The following KIF17 variants were observed in gnomAD, a reference collection of about 807,000 sequenced individuals.
KIF17 encodes the protein kinesin-like protein KIF17.
Under a neutral mutation model 96.8 loss-of-function variants are expected in KIF17, and 80 were observed. The observed-to-expected ratio is 0.83, with a 90% CI of 0.69 to 1.00. The LOEUF (loss-of-function observed/expected upper bound fraction) is 1.00. Among genes scored for constraint, KIF17 ranks in the 50% least tolerant of loss-of-function variants. KIF17 has a pLI of 0.00. For missense variants in KIF17, 1,280 were observed against 1,372.9 expected (o/e 0.93, Z 1.07); for synonymous variants, 567 against 587.5 (o/e 0.97, Z 0.51).
In KIF17 at chr1:20,672,750, A is replaced by T; in HGVS notation, c.2464-554T>A. 1 of 194,858 alleles carries T rather than the reference A, an allele frequency of 5.1e-6. No homozygotes were observed. Among genetic ancestry groups the T allele is most frequent in the East Asian group, 1.1e-4 (1 of 8,740 alleles). The allele number at this position is 194,858 out of a possible 1,614,324, so 12.1% of individuals were successfully genotyped here. On this transcript the variant is annotated intron_variant, in intron 11 of 14. Transcript: ENST00000400463. This position sits in a 1 kb window ranked among gnomAD's most constrained non-coding sequence, Gnocchi z 4.3. The stretch of plus-strand genomic sequence containing the variant: ...GGACCTAAGAGTAAGACCCACCTTG[A>T]TCTGATCAAGGGTTCCAGATTCTTT...
intron 6 of KIF17, among the ~76,000 whole-genome samples, chr1:20,690,923 G>A (rs1455228570): frequency 1.3e-5 from 2 of 152,010 alleles, no homozygotes; most frequent in Admixed American, 6.5e-5. Context: ...TCCTGACCTC[G>A]TGATCCACCC....
intron 11 of KIF17, among the ~76,000 whole-genome samples, 186 bp downstream of exon 11, chr1:20,682,467 A>T (rs529365057): frequency 6.6e-6 from 1 of 152,316 alleles, no homozygotes; most frequent in African/African-American, 2.4e-5. Context: ...AGCTGATTGT[A>T]CCACTGCACT....
Position 20,685,794 on chromosome 1 carries a change from G to A in KIF17, c.2019+252C>T, listed in dbSNP as rs777173028. Reference sequence around the variant, plus strand: ...GCCTCAATTCCTTTACACAAAGGGCGACAAGGCTAAGGAAGGTTTGAAAGC... The same window carrying A: ...GCCTCAATTCCTTTACACAAAGGGCAACAAGGCTAAGGAAGGTTTGAAAGC... On this transcript the variant is annotated intron_variant, in intron 9 of 14. Transcript: ENST00000400463. The surrounding 1 kb of genome is among the most constrained non-coding windows in gnomAD (Gnocchi z 4.1). Among the ~76,000 whole-genome samples the A allele has an allele frequency of 2.6e-5, 4 of 152,290 alleles. No homozygotes were observed. The highest frequency in any genetic ancestry group is 1.9e-4 in the East Asian group (1 of 5,180).
At position 20,709,352 on chromosome 1, in the gene KIF17, C is replaced by CT. The variant is rs1188837286; in HGVS notation, c.670+286dup. On this transcript the variant is annotated intron_variant, in intron 4 of 14. Transcript: ENST00000400463. This position sits in a 1 kb window ranked among gnomAD's most constrained non-coding sequence, Gnocchi z 4.7. The stretch of plus-strand genomic sequence containing the variant: ...GCCGAGATCACCACTGCACTCCAGC[C>CT]TGGGTGACAGGGTGACACTTTGTCT... 2.0e-5 allele frequency among the ~76,000 whole-genome samples: 3 copies of CT among 152,174 alleles called. No individual in the cohort carries two copies. Among genetic ancestry groups the CT allele is most frequent in the African/African-American group, 7.2e-5 (3 of 41,428 alleles).
chr1:20,687,647 G>A lies in KIF17; in HGVS notation c.1679C>T (p.Ser560Phe), dbSNP rs2154536102. Reference protein sequence around the residue: ...SEAFPGPEEPSNVEVSMPTEE... With the variant: ...SEAFPGPEEPFNVEVSMPTEE... Reference sequence around the variant, plus strand: ...AGTGGGCATGGAGACCTCCACGTTGGAGGGCTCCTCAGGCCCAGGGAAAGC... The same window carrying A: ...AGTGGGCATGGAGACCTCCACGTTGAAGGGCTCCTCAGGCCCAGGGAAAGC... Residue 560 changes from serine to phenylalanine, a missense_variant, in exon 8 of 15, where the codon TCC becomes TTC. Ser to Phe is a radical substitution (Grantham distance 155). Transcript: ENST00000400463. The surrounding 1 kb of genome is among the most constrained non-coding windows in gnomAD (Gnocchi z 4.4). The A allele has an allele frequency of 6.2e-7, 1 of 1,614,210 alleles. No individual in the cohort carries two copies. The highest frequency in any genetic ancestry group is 2.2e-5 in the East Asian group (1 of 44,886).
intron 11 of KIF17, among the ~76,000 whole-genome samples, chr1:20,677,589 C>T (rs2053759528): frequency 6.6e-6 from 1 of 152,194 alleles, no homozygotes. Context: ...CGTAGTGGCT[C>T]ACGTCTGTAA....
chr1:20,705,065 G>C (rs999956618), intron 4 of KIF17, among the ~76,000 whole-genome samples, 166 bp from the exon 5 acceptor site: 1 of 152,204 alleles, frequency 6.6e-6, no homozygotes, highest in Non-Finnish European at 1.5e-5. Flanking sequence ...CTTACAGATG[G>C]GTAGACTGAG....
Position 20,683,866 on chromosome 1 carries a change from A to G in KIF17, c.2231+943T>C, listed in dbSNP as rs1310832165. Among the ~76,000 whole-genome samples the G allele has an allele frequency of 1.2e-4, 18 of 151,410 alleles. 1 individual carries two copies. The highest frequency in any genetic ancestry group is 1.1e-3 in the Admixed American group (17 of 15,232). ...GCAGGTGCTGTGCCCTTTCTCTAGG[A>G]TGCCACCCCTGCAGCAAACCTTTTT... On this transcript the variant is annotated intron_variant, in intron 10 of 14. Transcript: ENST00000400463.
chr1:20,695,115 C>T (rs996716544), intron 6 of KIF17, among the ~76,000 whole-genome samples: 5 of 145,782 alleles, frequency 3.4e-5, no homozygotes, highest in South Asian at 2.2e-4. Context: ...TGCACGCACA[C>T]GCATACACAC....
chr1:20,712,319 G>C (rs561172166), intron 3 of KIF17, among the ~76,000 whole-genome samples: 1 of 151,646 alleles, frequency 6.6e-6, no homozygotes, highest in South Asian at 2.1e-4. Context: ...CCCTGTCTGG[G>C]GGCTGAGCTA....
chr1:20,714,406 C>T (rs911695872), intron 2 of KIF17, among the ~76,000 whole-genome samples: 1 of 152,162 alleles, frequency 6.6e-6, no homozygotes, highest in South Asian at 2.1e-4. Context: ...ATGAGAATTG[C>T]TCGAACCCGG....
At chr1:20,667,511 G>A (rs532027925) in intron 13 of KIF17, among the ~76,000 whole-genome samples, 3 of 152,250 alleles carry the variant, frequency 2.0e-5, no homozygotes, top group Non-Finnish European at 2.9e-5. Flanking sequence ...GAATCATCCC[G>A]AAACTATCAG....
At chr1:20,675,407 C>T (rs1363817619) in intron 11 of KIF17, among the ~76,000 whole-genome samples, 2 of 148,762 alleles carry the variant, frequency 1.3e-5, no homozygotes, top group Admixed American at 6.7e-5. Context: ...GAGATCACGC[C>T]ATTGCACTCC....
In KIF17 at chr1:20,687,613, G is replaced by A. The variant is rs777211794; in HGVS notation, c.1713C>T (p.Ser571=). Residue 571 remains serine, a synonymous_variant, in exon 8 of 15, where the codon TCC becomes TCT. Coordinates refer to ENST00000400463, the MANE Select transcript of KIF17 (RefSeq NM_001122819.3). This position sits in a 1 kb window ranked among gnomAD's most constrained non-coding sequence, Gnocchi z 4.4. ...NVEVSMPTEE[S]RSRYFLDECL... is the part of the protein sequence containing the mutation. Reference sequence around the variant, plus strand: ...ACTCATCCAGGAAGTATCTGCTCCTGGACTCCTCAGTGGGCATGGAGACCT... The same window carrying A: ...ACTCATCCAGGAAGTATCTGCTCCTAGACTCCTCAGTGGGCATGGAGACCT... The A allele has an allele frequency of 9.9e-6, 16 of 1,614,006 alleles. No individual in the cohort carries two copies. The African/African-American group carries it at 1.9e-4, about 19-fold the overall frequency.
At position 20,704,871 on chromosome 1, in the gene KIF17, C is replaced by T. The variant is rs755362475; in HGVS notation, c.699G>A (p.Ala233=). ...VDERGKDHLR[A]GKLNLVDLAG... ...CCAGGTCCACCAGGTTCAGCTTGCC[C>T]GCCCGGAGGTGGTCCTTGCCCCGCT... Residue 233 remains alanine, a synonymous_variant, in exon 5 of 15, where the codon GCG becomes GCA. Transcript: ENST00000400463. This position sits in a 1 kb window ranked among gnomAD's most constrained non-coding sequence, Gnocchi z 6.8. 2.4e-5 allele frequency: 39 copies of T among 1,601,650 alleles called. No individual in the cohort carries two copies. Among genetic ancestry groups the T allele is most frequent in the African/African-American group, 4.0e-5 (3 of 74,936 alleles).
chr1:20,692,654 T>A (rs1178752271), intron 6 of KIF17: 1 of 152,202 alleles, frequency 6.6e-6, no homozygotes, highest in South Asian at 2.1e-4. Context: ...TTATTTTCTG[T>A]GTGTGTGCTC....
intron 14 of KIF17, 81 bp downstream of exon 14, chr1:20,666,133 G>C: frequency 2.8e-6 from 3 of 1,084,982 alleles, no homozygotes; most frequent in African/African-American, 1.5e-5. Context: ...TTTGAACCCA[G>C]GCCTGTCTGA....
intron 6 of KIF17, among the ~76,000 whole-genome samples, chr1:20,691,331 G>C (rs1167037060): frequency 6.6e-6 from 1 of 152,000 alleles, no homozygotes; most frequent in East Asian, 1.9e-4. Context: ...AAAATTTATA[G>C]AGTAGGGGTC....
In KIF17 at chr1:20,664,670, G is replaced by A; in HGVS notation, c.3001C>T (p.Pro1001Ser). ...TQAPEMPQPR[P>S]FRLESLDIPF... ...ATGTCGAGGGACTCGAGGCGGAAGG[G>A]CCGGGGCTGGGGCATTTCAGGGGCC... Residue 1001 changes from proline (P) to serine (S), a missense_variant, in exon 15 of 15, where the codon CCC becomes TCC. Transcript: ENST00000400463. 6.2e-7 allele frequency: 1 copy of A among 1,613,032 alleles called. No homozygotes were observed. The highest frequency in any genetic ancestry group is 1.1e-5 in the South Asian group (1 of 91,036).
Sources: gnomAD v4.1 joint callset for allele counts (sites outside exome capture counted in the v4.1 genomes callset) on GRCh38, gnomAD v4.1.1 for gene constraint, Gnocchi (gnomAD v3.1) non-coding constraint, MANE v1.5 for transcripts, NCBI Gene and HGNC (gene_info 2026-07-23, HGNC 2026-07-21) for gene names.